Variants in CCDC66 observed in about 807,000 individuals in gnomAD.
The protein encoded by CCDC66 is coiled-coil domain-containing protein 66.
CCDC66 carries 133 observed loss-of-function variants against 128.3 expected under a neutral mutation model. The ratio of observed to expected loss-of-function variants is 1.04; its 90% confidence interval spans 0.90 to 1.20. CCDC66 has a LOEUF of 1.20. Among genes scored for constraint, CCDC66 ranks in the 50% most tolerant of loss-of-function variants. The pLI is 0.00. For synonymous variants in CCDC66, 387 were observed against 357.0 expected, an observed-to-expected ratio of 1.08 and a Z score of -0.95; for missense variants, 1,126 against 1,075.5, an observed-to-expected ratio of 1.05 and a Z score of -0.66.
At chr3:56,613,554 T>C (rs2075126734) in intron 10 of CCDC66, 35 bp from the exon 11 acceptor site, 2 of 1,597,404 alleles carry the variant, frequency 1.3e-6, no homozygotes, top group East Asian at 4.5e-5. Flanking sequence ...AGATTTTTAT[T>C]TTTGACAATG....
At chr3:56,557,296 G>A (rs1559580128) in intron 1 of CCDC66, 43 bp downstream of exon 1, 1 of 869,870 alleles carries the variant, frequency 1.1e-6, no homozygotes, top group East Asian at 3.1e-5. Flanking sequence ...AAGCAAGGTG[G>A]TCGTCAGCGG....
Position 56,615,904 on chromosome 3 carries a change from G to A in CCDC66, c.1712-18G>A. The A allele has an allele frequency of 6.3e-7, 1 of 1,577,422 alleles. No individual in the cohort carries two copies. Among genetic ancestry groups the A allele is most frequent in the Non-Finnish European group, 8.6e-7 (1 of 1,159,582 alleles). On this transcript the variant is annotated intron_variant, in intron 12 of 17. Transcript: ENST00000394672. ...TATTCCTTAAGTGTTGTTTTATCAG[G>A]TGATTTCTCTTTGCCAGTTGATACA... is the stretch of plus-strand genomic sequence containing the variant.
intron 15 of CCDC66, 160 bp from the exon 16 acceptor site, chr3:56,619,110 TG>T (rs1204472902): frequency 3.5e-6 from 2 of 571,654 alleles, no homozygotes; most frequent in African/African-American, 3.9e-5. Context: ...CCCAGCTACT[TG>T]GGAGGCTGAA....
In CCDC66 at chr3:56,566,672, A is replaced by C; in HGVS notation, c.623A>C (p.Glu208Ala). The change falls in exon 5 of 18, where the codon GAA (glutamate) becomes GCA (alanine). Residue 208 changes from glutamate (E) to alanine (A), a missense_variant. Transcript: ENST00000394672. The stretch of plus-strand genomic sequence containing the variant: ...ATTATGGGATTATTCAAAAAAACTG[A>C]AATGGTTTCATCTGTCCCAGCTGAA... Reference protein sequence around the residue: ...ENIMGLFKKTEMVSSVPAENK... With the variant: ...ENIMGLFKKTAMVSSVPAENK... 6.2e-7 allele frequency: 1 copy of C among 1,612,628 alleles called. No homozygotes were observed. Among genetic ancestry groups the C allele is most frequent in the Non-Finnish European group, 8.5e-7 (1 of 1,178,698 alleles).
chr3:56,565,081 AT>A lies in CCDC66; in HGVS notation c.544+962del, dbSNP rs2065612970. On this transcript the variant is annotated intron_variant, in intron 4 of 17. Transcript: ENST00000394672. ...TAGCACATTCAAAAGAAATCAGAAC[AT>A]TTTTTGAGCCATCCTGTGAGCCCTC... 3.0e-5 allele frequency: 10 copies of A among 337,632 alleles called. 1 individual carries two copies. Among genetic ancestry groups the A allele is most frequent in the South Asian group, 2.0e-4 (9 of 45,426 alleles). 20.9% of individuals were successfully genotyped at this position (337,632 alleles called of 1,614,324 possible). A position where few individuals can be genotyped will look rare whatever the true frequency, so the allele number is the denominator to read the frequency against.
chr3:56,589,871 G>A, intron 7 of CCDC66, among the ~76,000 whole-genome samples: 1 of 152,008 alleles, frequency 6.6e-6, no homozygotes, highest in East Asian at 1.9e-4. Flanking sequence ...CTCCAAAGAG[G>A]ATATATGGCA....
chr3:56,596,921 A>AT (rs34101943), intron 10 of CCDC66, among the ~76,000 whole-genome samples: 103,112 of 132,336 alleles, frequency 0.78, 40,911 homozygotes, highest in Non-Finnish European at 0.86. Flanking sequence ...CACCTGGCTA[A>AT]TTTTTTTTTT....
intron 7 of CCDC66, among the ~76,000 whole-genome samples, chr3:56,576,729 C>CATG (rs1404628301): frequency 1.3e-5 from 2 of 151,602 alleles, no homozygotes; most frequent in Non-Finnish European, 2.9e-5. Context: ...CTACAAAGGA[C>CATG]ATGAACTCAT....
In CCDC66 at chr3:56,617,489, T is replaced by G; in HGVS notation, c.2221T>G (p.Leu741Val). The G allele has an allele frequency of 1.4e-5, 22 of 1,613,966 alleles. No homozygotes were observed. The highest frequency in any genetic ancestry group is 1.9e-5 in the Non-Finnish European group (22 of 1,179,960). The change falls in exon 14 of 18, where the codon TTG becomes GTG. Residue 741 changes from leucine (L) to valine (V), a missense_variant. Leu to Val is a conservative substitution (Grantham distance 32). Coordinates refer to ENST00000394672, the MANE Select transcript of CCDC66 (RefSeq NM_001141947.3). The stretch of plus-strand genomic sequence containing the variant: ...AAGGAGGCAGATGGAATTGCTTCAT[T>G]TGGTAGAAAAAAATAATCCTGGGCA... Reference protein sequence around the residue: ...KVRRQMELLHLVEKNNPGHLS... With the variant: ...KVRRQMELLHVVEKNNPGHLS...
chr3:56,589,100 G>A (rs909100681), intron 7 of CCDC66, among the ~76,000 whole-genome samples: 33 of 152,184 alleles, frequency 2.2e-4, no homozygotes, highest in Admixed American at 2.1e-3. Context: ...TCATAAAATC[G>A]AGATGAATTA....
At chr3:56,586,899 C>G (rs1401988083) in intron 7 of CCDC66, among the ~76,000 whole-genome samples, 3 of 151,662 alleles carry the variant, frequency 2.0e-5, no homozygotes, top group Non-Finnish European at 4.4e-5. Flanking sequence ...CACAAAAAAA[C>G]TAAAAAATTA....
At chr3:56,568,024 GGTA>G (rs1480649567) in intron 6 of CCDC66, among the ~76,000 whole-genome samples, 1 of 152,120 alleles carries the variant, frequency 6.6e-6, no homozygotes, top group Admixed American at 6.6e-5. Flanking sequence ...AGACCTCAAA[GGTA>G]GTAGCCTTCA....
rs559333929 is a variant in CCDC66 at position 56,565,448 on chromosome 3, T to C, written c.545-1146T>C. ...GCCACCACACCCGGCTAACTTTTTT[T>C]TTTTTTTCTTTTTTTTGTATTTTTA... On this transcript the variant is annotated intron_variant, in intron 4 of 17. Coordinates refer to ENST00000394672, the MANE Select transcript of CCDC66 (RefSeq NM_001141947.3). 6.7e-5 allele frequency among the ~76,000 whole-genome samples: 10 copies of C among 149,152 alleles called. 1 individual carries two copies. In the South Asian group the frequency reaches 2.1e-3, roughly 32 times the overall value.
In CCDC66 at chr3:56,571,852, G is replaced by A. The variant is rs2066672410; in HGVS notation, c.936+550G>A. On this transcript the variant is annotated intron_variant, in intron 7 of 17. Transcript: ENST00000394672. ...TCCTGCCTCTGCCTCCCAAATGGCTGGTACTACAGGTGTACTCCACCATGC... is the reference window on the plus strand; with the variant it reads ...TCCTGCCTCTGCCTCCCAAATGGCTAGTACTACAGGTGTACTCCACCATGC... Among the ~76,000 whole-genome samples, 3 of 151,812 alleles carry A rather than the reference G, an allele frequency of 2.0e-5. No individual in the cohort carries two copies. In the South Asian group the frequency reaches 6.2e-4, roughly 32 times the overall value.
chr3:56,575,273 G>GACAGTATCC (rs1252577181), intron 7 of CCDC66, among the ~76,000 whole-genome samples: 1 of 151,724 alleles, frequency 6.6e-6, no homozygotes, highest in Admixed American at 6.6e-5. Context: ...CTGATTTATT[G>GACAGTATCC]ACAGTATCCA....
chr3:56,613,341 C>T (rs1244744031), intron 10 of CCDC66, among the ~76,000 whole-genome samples: 1 of 152,182 alleles, frequency 6.6e-6, no homozygotes, highest in Non-Finnish European at 1.5e-5. Flanking sequence ...ATTAGGCAGC[C>T]TCTGTAGACT....
chr3:56,598,463 TG>T (rs1310197378), intron 10 of CCDC66, among the ~76,000 whole-genome samples: 2 of 151,966 alleles, frequency 1.3e-5, no homozygotes, highest in Non-Finnish European at 2.9e-5. Flanking sequence ...TGAATAAGAA[TG>T]GTGAAAGTGG....
At chr3:56,566,538 G>C (rs2065885876) in intron 4 of CCDC66, 56 bp from the exon 5 acceptor site, 1 of 1,163,170 alleles carries the variant, frequency 8.6e-7, no homozygotes, top group East Asian at 2.3e-5. Context: ...ACTATGCCAA[G>C]TATTATAACA....
chr3:56,584,544 C>A lies in CCDC66; in HGVS notation c.937-8426C>A, dbSNP rs145534212. Among the ~76,000 whole-genome samples, 4,017 of 150,512 alleles carry A rather than the reference C, an allele frequency of 0.027. 343 individuals are homozygous for A. The East Asian group carries it at 0.28, about 10-fold the overall frequency. ...ACATCTCAGATGATGGGCAGCCGGGCAGAGACGCTCCTCACTTCCCAGATG... is the reference window on the plus strand; with the variant it reads ...ACATCTCAGATGATGGGCAGCCGGGAAGAGACGCTCCTCACTTCCCAGATG... On this transcript the variant is annotated intron_variant, in intron 7 of 17. Transcript: ENST00000394672.
Sources: allele counts gnomAD v4.1 joint callset (sites outside exome capture counted in the v4.1 genomes callset), GRCh38; gene constraint gnomAD v4.1.1; transcripts MANE v1.5; gene names NCBI Gene and HGNC (gene_info 2026-07-23, HGNC 2026-07-21).